The following ASIC2 variants were observed in gnomAD, a reference collection of about 807,000 sequenced individuals.
The protein encoded by ASIC2 is acid sensing ion channel subunit 2.
ASIC2 carries 25 observed loss-of-function variants against 57.3 expected under a neutral mutation model. The observed-to-expected ratio is 0.44, with a 90% CI of 0.32 to 0.61. The LOEUF (loss-of-function observed/expected upper bound fraction) is 0.61. Ranked by LOEUF, ASIC2 falls within the 20% of genes least tolerant of loss-of-function variation. The pLI is 0.06. For synonymous variants in ASIC2, 319 were observed against 307.5 expected (o/e 1.04, Z -0.39); for missense variants, 641 against 738.1 (o/e 0.87, Z 1.52).
At chr17:33,897,465 A>G (rs1915124429) in intron 1 of ASIC2, among the ~76,000 whole-genome samples, 2 of 152,242 alleles carry the variant, frequency 1.3e-5, no homozygotes, top group Non-Finnish European at 2.9e-5. Context: ...CATCTGCTAT[A>G]TGGTGGTATA....
Position 34,095,680 on chromosome 17 carries a change from GAT to G in ASIC2, c.555+60296_555+60297del, listed in dbSNP as rs1227298001. ...AATTTTATATATATATAGAGAGAGA[GAT>G]ATATATAATTTTATATAGAGATATA... is the stretch of plus-strand genomic sequence containing the variant. On this transcript the variant is annotated intron_variant, in intron 1 of 9. Coordinates refer to the ASIC2 transcript ENST00000359872. 3.1e-3 allele frequency among the ~76,000 whole-genome samples: 390 copies of G among 124,482 alleles called. 9 individuals carry two copies. The highest frequency in any genetic ancestry group is 9.9e-3 in the African/African-American group (352 of 35,676). The allele number at this position is 124,482 out of a possible 152,430, so 81.7% of individuals were successfully genotyped here.
At chr17:34,149,764 G>A (rs377355262) in intron 1 of ASIC2, among the ~76,000 whole-genome samples, 21 of 152,320 alleles carry the variant, frequency 1.4e-4, no homozygotes, top group African/African-American at 4.8e-4. Context: ...TGTGGAGAAA[G>A]GTGAGCCCTT....
intron 1 of ASIC2, among the ~76,000 whole-genome samples, chr17:33,476,516 T>TGC (rs879503553): frequency 0.056 from 6,660 of 118,614 alleles, 285 homozygotes; most frequent in South Asian, 0.15. Context: ...TATATATATA[T>TGC]ATATATATAT....
chr17:33,715,677 ACTGTTTTTGGATTT>A (rs1426543096), intron 1 of ASIC2, among the ~76,000 whole-genome samples: 1 of 152,114 alleles, frequency 6.6e-6, no homozygotes, highest in Non-Finnish European at 1.5e-5. Flanking sequence ...AATCTCAGTC[ACTGTTTTTGGATTT>A]CTGTGAGATG....
At chr17:33,796,856 T>G (rs1052487287) in intron 1 of ASIC2, among the ~76,000 whole-genome samples, 1 of 152,234 alleles carries the variant, frequency 6.6e-6, no homozygotes, top group East Asian at 1.9e-4. Context: ...ACTAAAGGTG[T>G]GATCTTGTGC....
Position 33,994,540 on chromosome 17 carries a change from G to A in ASIC2, c.555+161438C>T, listed in dbSNP as rs114670946. 4.3e-3 allele frequency among the ~76,000 whole-genome samples: 655 copies of A among 152,268 alleles called. 7 individuals are homozygous for A. The highest frequency in any genetic ancestry group is 0.015 in the African/African-American group (605 of 41,562). On this transcript the variant is annotated intron_variant, in intron 1 of 9. Coordinates refer to the ASIC2 transcript ENST00000359872. Reference sequence around the variant, plus strand: ...TCCCTAAGTGAGCCAGACCCAATGTGTTTTTTATTTCTCCTTAAATGAGAA... The same window carrying A: ...TCCCTAAGTGAGCCAGACCCAATGTATTTTTTATTTCTCCTTAAATGAGAA...
intron 1 of ASIC2, among the ~76,000 whole-genome samples, chr17:33,492,000 A>G (rs1167307605): frequency 2.0e-5 from 3 of 152,230 alleles, no homozygotes; most frequent in Non-Finnish European, 4.4e-5. Flanking sequence ...TTTAAGGATT[A>G]AGATCCTGTC....
intron 1 of ASIC2, among the ~76,000 whole-genome samples, chr17:33,727,075 A>G (rs1909583738): frequency 6.6e-6 from 1 of 152,228 alleles, no homozygotes. Context: ...AACAATGAAT[A>G]CCAAAACCAA....
chr17:34,066,289 T>A (rs1003881611), intron 1 of ASIC2, among the ~76,000 whole-genome samples: 2 of 152,208 alleles, frequency 1.3e-5, no homozygotes, highest in African/African-American at 4.8e-5. Context: ...AAGTCGTTCA[T>A]CTCTTTGTGA....
intron 1 of ASIC2, among the ~76,000 whole-genome samples, chr17:33,331,764 A>G (rs1048658348): frequency 4.6e-5 from 7 of 152,236 alleles, no homozygotes; most frequent in Admixed American, 2.6e-4. Flanking sequence ...TAGTTCTTAC[A>G]TCAACCTATT....
chr17:33,468,640 A>C (rs1912938984), intron 1 of ASIC2, among the ~76,000 whole-genome samples: 1 of 151,908 alleles, frequency 6.6e-6, no homozygotes, highest in African/African-American at 2.4e-5. Flanking sequence ...ACAACTTTAT[A>C]ATATAAATTA....
chr17:33,924,094 G>T (rs1915771505), intron 1 of ASIC2, among the ~76,000 whole-genome samples: 1 of 152,214 alleles, frequency 6.6e-6, no homozygotes, highest in African/African-American at 2.4e-5. Flanking sequence ...CTAAGTTTCA[G>T]GTTTATGGGG....
At chr17:33,139,645 C>T (rs1392731150) in intron 1 of ASIC2, among the ~76,000 whole-genome samples, 1 of 152,164 alleles carries the variant, frequency 6.6e-6, no homozygotes, top group Non-Finnish European at 1.5e-5. Flanking sequence ...GCCAAAGTCC[C>T]CTTCATTCCC....
At chr17:33,813,121 A>G (rs1378149362) in intron 1 of ASIC2, among the ~76,000 whole-genome samples, 1 of 152,150 alleles carries the variant, frequency 6.6e-6, no homozygotes, top group African/African-American at 2.4e-5. Context: ...GAAAGCCTTT[A>G]TAGGATAGTG....
intron 1 of ASIC2, among the ~76,000 whole-genome samples, chr17:34,018,024 T>C (rs1907028903): frequency 6.6e-6 from 1 of 152,216 alleles, no homozygotes. Context: ...AACAGCCTTA[T>C]ATTGGAATAA....
At chr17:33,533,318 CG>C (rs1915116055) in intron 1 of ASIC2, 10 of 150,382 alleles carry the variant, frequency 6.6e-5, no homozygotes, top group Admixed American at 4.6e-4. Context: ...AAAGAAAGAG[CG>C]AAAGAAAGAA....
chr17:33,573,558 GT>G (rs979477033), intron 1 of ASIC2, among the ~76,000 whole-genome samples: 1 of 151,626 alleles, frequency 6.6e-6, no homozygotes, highest in Non-Finnish European at 1.5e-5. Flanking sequence ...TTTAAATCTT[GT>G]TTTTTTGTTT....
chr17:33,288,020 G>C (rs1002774438), intron 1 of ASIC2, among the ~76,000 whole-genome samples: 2 of 152,158 alleles, frequency 1.3e-5, no homozygotes, highest in African/African-American at 4.8e-5. Flanking sequence ...CCTGATGGAG[G>C]TATGCATTCC....
intron 1 of ASIC2, among the ~76,000 whole-genome samples, chr17:33,222,405 T>C (rs1025216068): frequency 6.6e-6 from 1 of 152,174 alleles, no homozygotes; most frequent in South Asian, 2.1e-4. Context: ...GATTAATGAA[T>C]ACTTAGGGCT....
Sources: gnomAD v4.1 joint callset for allele counts (sites outside exome capture counted in the v4.1 genomes callset) on GRCh38, gnomAD v4.1.1 for gene constraint, MANE v1.5 for transcripts, NCBI Gene and HGNC (gene_info 2026-07-23, HGNC 2026-07-21) for gene names.